FNDC7: variants seen among roughly 807,000 people sequenced by gnomAD.
FNDC7 encodes fibronectin type III domain-containing protein 7.
A neutral mutation model predicts 74.2 loss-of-function variants in FNDC7; 66 were observed. The ratio of observed to expected loss-of-function variants is 0.89; its 90% CI spans 0.73 to 1.09. The LOEUF (loss-of-function observed/expected upper bound fraction) is 1.09. Among genes scored for constraint, FNDC7 ranks in the 50% least tolerant of loss-of-function variants. The probability of loss-of-function intolerance (pLI) is 0.00; values close to 1 mark genes in which losing one functional copy is unlikely to be tolerated. For synonymous variants in FNDC7, 307 were observed against 330.2 expected, an observed-to-expected ratio of 0.93 and a Z score of 0.76; for missense variants, 829 against 893.4, an observed-to-expected ratio of 0.93 and a Z score of 0.92.
At chr1:108,735,802 G>T (rs112842657) in intron 10 of FNDC7, among the ~76,000 whole-genome samples, 7 of 151,654 alleles carry the variant, frequency 4.6e-5, no homozygotes, top group Non-Finnish European at 7.4e-5. Flanking sequence ...TTTTTGTGGG[G>T]TTTTTTTGTT....
chr1:108,731,949 TA>T (rs1661366197), intron 9 of FNDC7, among the ~76,000 whole-genome samples: 1 of 152,234 alleles, frequency 6.6e-6, no homozygotes, highest in African/African-American at 2.4e-5. Flanking sequence ...AGCCTGATTA[TA>T]ATAACTTTTA....
rs1365504500 is a variant in FNDC7, at chr1:108,729,036, A to G, written c.1624+150A>G. 4.0e-6 allele frequency: 4 copies of G among 991,432 alleles called. No individual in the cohort carries two copies. The African/African-American group carries it at 4.9e-5, about 12-fold the overall frequency. The allele number at this position is 991,432 out of a possible 1,614,324, so 61.4% of individuals were successfully genotyped here. A position where few individuals can be genotyped will look rare whatever the true frequency, so the allele number is the denominator to read the frequency against. ...TCAAAGAGTCCCGGTCATAGACAAT[A>G]AAATTTTCAATATTTTACAAGTTCT... On this transcript the variant is annotated intron_variant, in intron 8 of 12. Coordinates refer to ENST00000370017, the MANE Select transcript of FNDC7 (RefSeq NM_001144937.3).
chr1:108,731,147 A>G (rs934919152), intron 9 of FNDC7, among the ~76,000 whole-genome samples: 1 of 152,218 alleles, frequency 6.6e-6, no homozygotes, highest in Non-Finnish European at 1.5e-5. Context: ...CCTAGTAACA[A>G]TGTTCCTCTA....
In FNDC7 at chr1:108,730,715, C is replaced by T; in HGVS notation, c.1666C>T (p.Gln556Ter). Residue 556 changes from glutamine to a stop codon, truncating the protein, a stop_gained, in exon 9 of 13, where the codon CAG (glutamine) becomes TAG (stop). Transcript: ENST00000370017. LOFTEE classifies it high-confidence loss of function. ...PTGLTVTQIT[Q>*]SVINVSWTIG... ...CGGTCTGACAGTAACTCAAATCACC[C>T]AGTCAGTAATCAACGTGAGCTGGAC... 3.1e-6 allele frequency: 5 copies of T among 1,603,954 alleles called. No homozygotes were observed. The highest frequency in any genetic ancestry group is 4.3e-6 in the Non-Finnish European group (5 of 1,173,418).
In FNDC7 at chr1:108,712,911, A is replaced by G; in HGVS notation, c.-23A>G. 1.3e-6 allele frequency: 2 copies of G among 1,550,538 alleles called. No individual in the cohort carries two copies. Among genetic ancestry groups the G allele is most frequent in the Non-Finnish European group, 1.7e-6 (2 of 1,146,010 alleles). ...GACCCGGATTGCTTTGTTTTGTGCC[A>G]TGTGAGTACTATGTCCAACAGGATG... On this transcript the variant is annotated 5_prime_UTR_variant, in exon 1 of 13. It removes an upstream start codon present in the reference 5' UTR. Coordinates refer to ENST00000370017, the MANE Select transcript of FNDC7 (RefSeq NM_001144937.3).
chr1:108,737,984 A>G (rs772526246), intron 11 of FNDC7, among the ~76,000 whole-genome samples: 1 of 152,240 alleles, frequency 6.6e-6, no homozygotes, highest in Non-Finnish European at 1.5e-5. Context: ...CAAGGCTAAG[A>G]ACTGCTACTT....
chr1:108,721,396 G>C lies in FNDC7; in HGVS notation c.599-939G>C, dbSNP rs189183646. 4.1e-3 allele frequency among the ~76,000 whole-genome samples: 628 copies of C among 152,274 alleles called. 5 individuals are homozygous for C. The highest frequency in any genetic ancestry group is 0.014 in the African/African-American group (585 of 41,536). On this transcript the variant is annotated intron_variant, in intron 4 of 12. Transcript: ENST00000370017. ...AGGCAGGAGAATGGCATGAACCCCG[G>C]AGGCGGAGTTTGCAGTAAGCCAAGA...
chr1:108,715,915 C>A (rs879754238), intron 2 of FNDC7, among the ~76,000 whole-genome samples: 2 of 152,158 alleles, frequency 1.3e-5, no homozygotes, highest in African/African-American at 2.4e-5. Flanking sequence ...AATCCAAACC[C>A]TTTGCTATTT....
At chr1:108,716,164 C>T (rs1660968831) in intron 2 of FNDC7, among the ~76,000 whole-genome samples, 1 of 152,048 alleles carries the variant, frequency 6.6e-6, no homozygotes, top group South Asian at 2.1e-4. Flanking sequence ...CTGTCATTTT[C>T]CCAGGAAGTT....
At chr1:108,723,362 CA>C in intron 5 of FNDC7, among the ~76,000 whole-genome samples, 1 of 152,050 alleles carries the variant, frequency 6.6e-6, no homozygotes, top group African/African-American at 2.4e-5. Flanking sequence ...TGCTTAAAGC[CA>C]AAGAAAATGT....
Position 108,717,980 on chromosome 1 carries a change from A to G in FNDC7, c.286A>G (p.Ile96Val). The G allele has an allele frequency of 6.4e-7, 1 of 1,551,744 alleles. No homozygotes were observed. Among genetic ancestry groups the G allele is most frequent in the South Asian group, 1.2e-5 (1 of 84,062 alleles). Residue 96 changes from isoleucine to valine, a missense_variant, in exon 3 of 13, where the codon ATC (isoleucine) becomes GTC (valine). Coordinates refer to ENST00000370017, the MANE Select transcript of FNDC7 (RefSeq NM_001144937.3). ...CTGGTATGAAATCACCATCAGATCC[A>G]TCAGCGCTGCTGGGAGAAGCCAGGC... ...ATWYEITIRS[I>V]SAAGRSQASP...
At chr1:108,714,203 C>T (rs939680777) in intron 2 of FNDC7, among the ~76,000 whole-genome samples, 3 of 152,068 alleles carry the variant, frequency 2.0e-5, no homozygotes, top group Admixed American at 6.5e-5. Flanking sequence ...ATAATATCAA[C>T]CATATCACCG....
At chr1:108,727,730 G>A in intron 6 of FNDC7, 78 bp from the exon 7 acceptor site, 1 of 1,543,560 alleles carries the variant, frequency 6.5e-7, no homozygotes, top group Non-Finnish European at 8.8e-7. Context: ...CTCTGGGCAT[G>A]GGAGGTCAGG....
Position 108,725,764 on chromosome 1 carries a change from G to A in FNDC7, c.871G>A (p.Gly291Arg), listed in dbSNP as rs768604379. 9.9e-6 allele frequency: 16 copies of A among 1,613,618 alleles called. No homozygotes were observed. The highest frequency in any genetic ancestry group is 1.2e-5 in the Non-Finnish European group (14 of 1,179,942). Residue 291 changes from glycine (G) to arginine (R), a missense_variant, in exon 6 of 13, where the codon GGA (glycine) becomes AGA (arginine). Coordinates refer to ENST00000370017, the MANE Select transcript of FNDC7 (RefSeq NM_001144937.3). ...MTLKTVACAP[G>R]RVTIQEDPPG... Reference sequence around the variant, plus strand: ...TCATTTCCTAGTTGCTTGTGCACCCGGAAGAGTGACGATCCAAGAAGATCC... The same window carrying A: ...TCATTTCCTAGTTGCTTGTGCACCCAGAAGAGTGACGATCCAAGAAGATCC...
chr1:108,713,031 A>G (rs1158699748), intron 1 of FNDC7, 35 bp downstream of exon 1: 1 of 1,518,642 alleles, frequency 6.6e-7, no homozygotes, highest in Admixed American at 2.0e-5. Flanking sequence ...ACAACTATTT[A>G]GGGGAAAAAA....
chr1:108,719,520 G>T (rs1231604399), intron 4 of FNDC7, among the ~76,000 whole-genome samples: 1 of 152,196 alleles, frequency 6.6e-6, no homozygotes, highest in African/African-American at 2.4e-5. Flanking sequence ...CAGGCACAGT[G>T]CTTGATGCTG....
chr1:108,733,522 A>C lies in FNDC7; in HGVS notation c.2130A>C (p.Lys710Asn), dbSNP rs1661444273. ...TGAAGCTTACTTTCTGTCCAAAAAA[A>C]ATATATTCAGGTAAAGCAAGTTATG... ...TGLKLTFCPK[K>N]IYSVTCSGST... is the part of the protein sequence containing the mutation. Residue 710 changes from lysine to asparagine, a missense_variant, in exon 10 of 13, where the codon AAA becomes AAC. Physicochemically the swap from Lys to Asn is moderately conservative, Grantham distance 94 (BLOSUM62 0). Transcript: ENST00000370017. The C allele has an allele frequency of 6.2e-7, 1 of 1,612,204 alleles. No homozygotes were observed.
At chr1:108,732,935 A>ATT (rs370493264) in intron 9 of FNDC7, among the ~76,000 whole-genome samples, 33 of 134,874 alleles carry the variant, frequency 2.4e-4, no homozygotes, top group African/African-American at 5.0e-4. Flanking sequence ...CAACTGGCTA[A>ATT]TTTTTTTTTT....
chr1:108,731,579 GC>G (rs796277407), intron 9 of FNDC7, among the ~76,000 whole-genome samples: 12 of 152,314 alleles, frequency 7.9e-5, no homozygotes, highest in African/African-American at 2.6e-4. Context: ...AGTTACCTCT[GC>G]CTGGGGCATG....
Sources: allele counts gnomAD v4.1 joint callset (sites outside exome capture counted in the v4.1 genomes callset), GRCh38; gene constraint gnomAD v4.1.1; transcripts MANE v1.5; gene names NCBI Gene and HGNC (gene_info 2026-07-23, HGNC 2026-07-21).